The following DCBLD2 variants were observed in gnomAD, a reference collection of about 807,000 sequenced individuals.
DCBLD2 encodes the protein discoidin, CUB and LCCL domain-containing protein 2.
Under a neutral mutation model 86.8 loss-of-function variants are expected in DCBLD2, and 54 were observed. The observed-to-expected ratio is 0.62, with a 90% confidence interval of 0.50 to 0.78. The LOEUF is 0.78. Among genes scored for constraint, DCBLD2 ranks in the 30% least tolerant of loss-of-function variants. The probability of loss-of-function intolerance (pLI) is 0.00; values close to 1 mark genes in which losing one functional copy is unlikely to be tolerated. For synonymous variants in DCBLD2, 354 were observed against 341.3 expected, an observed-to-expected ratio of 1.04 and a Z score of -0.41; for missense variants, 908 against 954.2, an observed-to-expected ratio of 0.95 and a Z score of 0.64.
At position 98,901,071 on chromosome 3, in the gene DCBLD2, C is replaced by T. The variant is rs889391762; in HGVS notation, c.205+51G>A. 5 of 1,535,782 alleles carry T rather than the reference C, an allele frequency of 3.3e-6. No individual in the cohort carries two copies. The South Asian group carries it at 3.6e-5, about 11-fold the overall frequency. ...AGATTTGTTCAGGGGCCAAGAGACC[C>T]GCAGCCCCGACGGAGGTTCCCCCGC... On this transcript the variant is annotated intron_variant, in intron 1 of 15. Transcript: ENST00000326840.
rs1941658909 is a variant in DCBLD2, at chr3:98,798,815, AATCCC to A, written c.*552_*556del. On this transcript the variant is annotated 3_prime_UTR_variant, in exon 16 of 16. Coordinates refer to ENST00000326840, the MANE Select transcript of DCBLD2 (RefSeq NM_080927.4). ...TCCCCCTGCTCATTACAAGTCAGAA[AATCCC>A]AGCTACAGATCTTAAGATGGATAAG... The A allele has an allele frequency of 6.5e-6, 1 of 152,738 alleles. No individual in the cohort carries two copies. Among genetic ancestry groups the A allele is most frequent in the Non-Finnish European group, 1.5e-5 (1 of 68,452 alleles). The allele number at this position is 152,738 out of a possible 1,614,324, so 9.5% of individuals were successfully genotyped here.
intron 1 of DCBLD2, among the ~76,000 whole-genome samples, chr3:98,897,066 A>G (rs1943762611): frequency 6.6e-6 from 1 of 152,174 alleles, no homozygotes; most frequent in South Asian, 2.1e-4. Context: ...TAACTTTTGG[A>G]AATTAATTTG....
intron 2 of DCBLD2, among the ~76,000 whole-genome samples, chr3:98,856,907 G>GA (rs1207264852): frequency 6.6e-6 from 1 of 152,208 alleles, no homozygotes; most frequent in Non-Finnish European, 1.5e-5. Context: ...TGGCTGAAAT[G>GA]AAAGGGGATA....
At chr3:98,884,348 T>C (rs536740335) in intron 1 of DCBLD2, among the ~76,000 whole-genome samples, 4 of 151,940 alleles carry the variant, frequency 2.6e-5, no homozygotes, top group Admixed American at 2.0e-4. Flanking sequence ...TGGATTTCTG[T>C]GCAATATATC....
At chr3:98,897,425 G>A (rs1222381755) in intron 1 of DCBLD2, among the ~76,000 whole-genome samples, 1 of 152,086 alleles carries the variant, frequency 6.6e-6, no homozygotes, top group African/African-American at 2.4e-5. Flanking sequence ...AACTGGATAA[G>A]AGCCCCAATG....
chr3:98,840,936 C>T (rs996861017), intron 3 of DCBLD2, among the ~76,000 whole-genome samples: 2 of 152,170 alleles, frequency 1.3e-5, no homozygotes, highest in South Asian at 2.1e-4. Flanking sequence ...TAGATAACAG[C>T]GATGGCAGTA....
intron 3 of DCBLD2, among the ~76,000 whole-genome samples, chr3:98,828,894 A>C (rs967995678): frequency 5.3e-5 from 8 of 152,224 alleles, no homozygotes; most frequent in Non-Finnish European, 1.0e-4. Flanking sequence ...TGCTAAGTGA[A>C]AGAAGCTAGT....
intron 2 of DCBLD2, among the ~76,000 whole-genome samples, chr3:98,868,394 A>G (rs1266004528): frequency 1.3e-5 from 2 of 152,228 alleles, no homozygotes; most frequent in African/African-American, 4.8e-5. Flanking sequence ...ATGAATGTAT[A>G]TTCTGAGAGT....
rs762726895 is a variant in DCBLD2, at chr3:98,901,344, T to C, written c.-18A>G. On this transcript the variant is annotated 5_prime_UTR_variant, in exon 1 of 16. Coordinates refer to ENST00000326840, the MANE Select transcript of DCBLD2 (RefSeq NM_080927.4). Reference sequence around the variant, plus strand: ...CTCGCCATCGCGGCGGCCGGCAGTCTGCCTGCATAGTGCGGGTGCCTCGGC... The same window carrying C: ...CTCGCCATCGCGGCGGCCGGCAGTCCGCCTGCATAGTGCGGGTGCCTCGGC... 6 of 1,386,166 alleles carry C rather than the reference T, an allele frequency of 4.3e-6. No individual in the cohort carries two copies. The Admixed American group carries it at 1.1e-4, about 25-fold the overall frequency. The allele number at this position is 1,386,166 out of a possible 1,614,324, so 85.9% of individuals were successfully genotyped here. A position where few individuals can be genotyped will look rare whatever the true frequency, so the allele number is the denominator to read the frequency against.
chr3:98,796,619 C>T lies in DCBLD2; in HGVS notation c.*2753G>A, dbSNP rs553186513. On this transcript the variant is annotated 3_prime_UTR_variant, in exon 16 of 16. Transcript: ENST00000326840. ...ATTAATTCTTCACTCGAACCGTTTA[C>T]ATCAGCGAATAAACCCATTGTTCAA... 1 of 152,790 alleles carries T rather than the reference C, an allele frequency of 6.5e-6. No individual in the cohort carries two copies. The highest frequency in any genetic ancestry group is 2.4e-5 in the African/African-American group (1 of 41,584). 9.5% of individuals were successfully genotyped at this position (152,790 alleles called of 1,614,324 possible). A position where few individuals can be genotyped will look rare whatever the true frequency, so the allele number is the denominator to read the frequency against.
chr3:98,823,116 G>A (rs1384249868), intron 4 of DCBLD2, among the ~76,000 whole-genome samples: 8 of 152,164 alleles, frequency 5.3e-5, no homozygotes. Flanking sequence ...CAGGTGATCC[G>A]CCCACCTCGG....
intron 4 of DCBLD2, among the ~76,000 whole-genome samples, chr3:98,823,057 G>A (rs1198263563): frequency 6.6e-6 from 1 of 152,108 alleles, no homozygotes; most frequent in Non-Finnish European, 1.5e-5. Flanking sequence ...ATTTTTAGTA[G>A]AGATGGGGTT....
intron 1 of DCBLD2, among the ~76,000 whole-genome samples, chr3:98,891,230 G>C (rs1943656461): frequency 6.6e-6 from 1 of 151,296 alleles, no homozygotes; most frequent in Non-Finnish European, 1.5e-5. Context: ...GAGAGAGAGA[G>C]AGAAAGAAAG....
chr3:98,799,921 T>C (rs2107415100), intron 15 of DCBLD2, 80 bp from the exon 16 acceptor site: 1 of 1,192,706 alleles, frequency 8.4e-7, no homozygotes, highest in Non-Finnish European at 1.2e-6. Context: ...CTGCAGATTA[T>C]ACTAAAAGCA....
At chr3:98,868,276 G>C (rs1943195324) in intron 2 of DCBLD2, among the ~76,000 whole-genome samples, 1 of 152,048 alleles carries the variant, frequency 6.6e-6, no homozygotes, top group African/African-American at 2.4e-5. Flanking sequence ...TAGACTAGTG[G>C]GAGGACTTGA....
intron 2 of DCBLD2, among the ~76,000 whole-genome samples, chr3:98,873,860 G>T (rs542086847): frequency 6.6e-6 from 1 of 151,982 alleles, no homozygotes; most frequent in Non-Finnish European, 1.5e-5. Flanking sequence ...GAAAAAAGAG[G>T]GTGGGAAGCA....
intron 13 of DCBLD2, among the ~76,000 whole-genome samples, chr3:98,805,482 A>G (rs924720490): frequency 1.4e-4 from 22 of 152,218 alleles, no homozygotes; most frequent in African/African-American, 4.8e-4. Flanking sequence ...TTTTATACAC[A>G]TAAGTGACAA....
intron 2 of DCBLD2, among the ~76,000 whole-genome samples, chr3:98,868,055 A>T (rs953314459): frequency 1.3e-5 from 2 of 152,046 alleles, no homozygotes; most frequent in Admixed American, 1.3e-4. Flanking sequence ...TGCCCACCTC[A>T]GCCTCCCAAA....
intron 2 of DCBLD2, among the ~76,000 whole-genome samples, chr3:98,859,634 G>GA (rs1259885403): frequency 6.6e-6 from 1 of 152,168 alleles, no homozygotes; most frequent in African/African-American, 2.4e-5. Context: ...TGGACCTCCA[G>GA]AAAACTCCAA....
Sources: gnomAD v4.1 joint callset for allele counts (sites outside exome capture counted in the v4.1 genomes callset) on GRCh38, gnomAD v4.1.1 for gene constraint, MANE v1.5 for transcripts, NCBI Gene and HGNC (gene_info 2026-07-23, HGNC 2026-07-21) for gene names.